Variants in TTLL11 observed in about 807,000 individuals in gnomAD.
TTLL11 encodes tubulin polyglutamylase TTLL11.
Under a neutral mutation model 51.7 loss-of-function variants are expected in TTLL11, and 42 were observed. The ratio of observed to expected loss-of-function variants is 0.81; its 90% CI spans 0.64 to 1.05. The LOEUF (loss-of-function observed/expected upper bound fraction) is 1.05. Ranked by LOEUF, TTLL11 falls within the 50% of genes least tolerant of loss-of-function variation. The pLI, the probability that TTLL11 is intolerant of heterozygous loss-of-function variation, is 0.00. For synonymous variants in TTLL11, 381 were observed against 383.5 expected (o/e 0.99, Z 0.08); for missense variants, 799 against 940.4 (o/e 0.85, Z 1.97).
rs559834846 is a variant in TTLL11 at position 121,844,511 on chromosome 9, C to T, written c.1840+15826G>A. Among the ~76,000 whole-genome samples, 207 of 152,144 alleles carry T rather than the reference C, an allele frequency of 1.4e-3. 2 individuals carry two copies. Among genetic ancestry groups the T allele is most frequent in the Non-Finnish European group, 7.9e-4 (54 of 68,008 alleles). On this transcript the variant is annotated intron_variant, in intron 8 of 8. Coordinates refer to ENST00000321582, the MANE Select transcript of TTLL11 (RefSeq NM_001139442.2). ...CTAAAAGGCAGGAAAATATACAGTG[C>T]AAAGAGACAAAGCAAGCATGAGAAA...
chr9:121,937,358 C>T (rs528413780), intron 6 of TTLL11, among the ~76,000 whole-genome samples: 2 of 152,230 alleles, frequency 1.3e-5, no homozygotes, highest in African/African-American at 4.8e-5. Context: ...TTAACTGGGG[C>T]ATACAAAAAT....
At position 121,989,359 on chromosome 9, in the gene TTLL11, A is replaced by G. The variant is rs892523000; in HGVS notation, c.1105T>C (p.Ser369Pro). The G allele has an allele frequency of 3.1e-6, 5 of 1,614,074 alleles. No individual in the cohort carries two copies. The highest frequency in any genetic ancestry group is 4.2e-6 in the Non-Finnish European group (5 of 1,180,044). Residue 369 changes from serine to proline, a missense_variant, in exon 4 of 9, where the codon TCC (serine) becomes CCC (proline). By Grantham distance (74) the Ser-to-Pro change is moderately conservative. This residue lies in a region of TTLL11 where 468 missense variants were observed against 612.8 expected (regional missense o/e 0.76). Transcript: ENST00000321582. This position sits in a 1 kb window ranked among gnomAD's most constrained non-coding sequence, Gnocchi z 4.2. ...SASTGSKRTF[S>P]SILCRLSSKG... Reference sequence around the variant, plus strand: ...GAAGACAGTCTACAAAGGATGCTGGAAAAAGTCCTTTTGCTGCCAGTGCTA... The same window carrying G: ...GAAGACAGTCTACAAAGGATGCTGGGAAAAGTCCTTTTGCTGCCAGTGCTA...
At chr9:121,869,983 T>A (rs1316034427) in intron 7 of TTLL11, among the ~76,000 whole-genome samples, 2 of 152,252 alleles carry the variant, frequency 1.3e-5, no homozygotes, top group African/African-American at 4.8e-5. Context: ...TGAAAATTCA[T>A]GCAAATTTTG....
chr9:121,825,038 G>A (rs1836706597), intron 8 of TTLL11, among the ~76,000 whole-genome samples: 1 of 152,200 alleles, frequency 6.6e-6, no homozygotes, highest in Non-Finnish European at 1.5e-5. Context: ...CCTGATATGA[G>A]GAGTTGATAA....
At chr9:121,839,158 T>C (rs1837278449) in intron 8 of TTLL11, among the ~76,000 whole-genome samples, 2 of 152,256 alleles carry the variant, frequency 1.3e-5, no homozygotes, top group Admixed American at 1.3e-4. Context: ...TCATTAAAAC[T>C]TATTTCACAG....
intron 8 of TTLL11, among the ~76,000 whole-genome samples, chr9:121,847,184 T>C (rs1588066570): frequency 7.4e-6 from 1 of 135,270 alleles, no homozygotes; most frequent in South Asian, 2.2e-4. Flanking sequence ...CACTCCAGCC[T>C]GGGAGACTGC....
chr9:122,071,658 C>A (rs1208973535), intron 1 of TTLL11, among the ~76,000 whole-genome samples: 1 of 152,168 alleles, frequency 6.6e-6, no homozygotes, highest in Non-Finnish European at 1.5e-5. Context: ...TGACCTGCCA[C>A]CCACAAAGAT....
chr9:121,874,281 G>A (rs1261100620), intron 6 of TTLL11, among the ~76,000 whole-genome samples: 1 of 152,216 alleles, frequency 6.6e-6, no homozygotes, highest in East Asian at 1.9e-4. Context: ...TTATAGGCAT[G>A]AGCCTCTGCA....
chr9:122,016,620 A>G (rs1156748219), intron 3 of TTLL11, among the ~76,000 whole-genome samples: 5 of 152,172 alleles, frequency 3.3e-5, no homozygotes, highest in Non-Finnish European at 5.9e-5. Context: ...GGTTTTTGCA[A>G]ATAATGCACT....
Position 121,995,433 on chromosome 9 carries a change from G to A in TTLL11, c.694-5663C>T, listed in dbSNP as rs909508590. On this transcript the variant is annotated intron_variant, in intron 3 of 8. Transcript: ENST00000321582. This position sits in a 1 kb window ranked among gnomAD's most constrained non-coding sequence, Gnocchi z 4.4. ...GCCTGAGCTGGGGCAGGGACAATGC[G>A]GTTGAAATAGGGAGCTGAGAGAAGA... 1.3e-5 allele frequency among the ~76,000 whole-genome samples: 2 copies of A among 152,126 alleles called. No individual in the cohort carries two copies. The highest frequency in any genetic ancestry group is 2.9e-5 in the Non-Finnish European group (2 of 68,016).
At chr9:121,830,910 G>C (rs1454330328) in intron 8 of TTLL11, among the ~76,000 whole-genome samples, 3 of 152,254 alleles carry the variant, frequency 2.0e-5, no homozygotes, top group Admixed American at 2.0e-4. Context: ...TTGAAACCCA[G>C]TGGTAGGGGC....
chr9:121,974,209 A>C (rs2131658593), intron 5 of TTLL11, 85 bp from the exon 6 acceptor site: 2 of 935,448 alleles, frequency 2.1e-6, no homozygotes, highest in Non-Finnish European at 1.6e-6. Context: ...GGGTTATACT[A>C]GTAAATTTTG....
chr9:121,829,814 CCA>C (rs1554757088), intron 8 of TTLL11, among the ~76,000 whole-genome samples: 28 of 141,834 alleles, frequency 2.0e-4, no homozygotes, highest in Admixed American at 1.4e-3. Flanking sequence ...CACACACACA[CCA>C]CACACACACA....
chr9:121,891,946 C>T (rs1261312323), intron 6 of TTLL11, among the ~76,000 whole-genome samples: 4 of 146,838 alleles, frequency 2.7e-5, no homozygotes, highest in Non-Finnish European at 6.0e-5. Flanking sequence ...AATATATATA[C>T]ACATATATAT....
intron 8 of TTLL11, among the ~76,000 whole-genome samples, chr9:121,832,640 G>C (rs1183708933): frequency 1.3e-5 from 2 of 152,110 alleles, no homozygotes; most frequent in Non-Finnish European, 2.9e-5. Flanking sequence ...CTGCTGCTTC[G>C]AGAGTTTTCG....
intron 4 of TTLL11, among the ~76,000 whole-genome samples, chr9:121,982,065 C>T (rs1249973490): frequency 6.6e-6 from 1 of 152,146 alleles, no homozygotes; most frequent in Admixed American, 6.5e-5. Context: ...TAATTCTGCC[C>T]CACAAATTCC....
In TTLL11 at chr9:122,021,432, G is replaced by A. The variant is rs188130201; in HGVS notation, c.693+10291C>T. 3.5e-4 allele frequency among the ~76,000 whole-genome samples: 54 copies of A among 152,278 alleles called. 1 individual carries two copies. The highest frequency in any genetic ancestry group is 1.2e-3 in the African/African-American group (51 of 41,548). ...TAGGTACAGATCAGCATGCACGTGA[G>A]GAAACTACCCAAGGCCAAACTACCT... On this transcript the variant is annotated intron_variant, in intron 3 of 8. Transcript: ENST00000321582.
intron 6 of TTLL11, among the ~76,000 whole-genome samples, chr9:121,912,161 C>T (rs1160698113): frequency 2.0e-5 from 3 of 152,204 alleles, no homozygotes; most frequent in Non-Finnish European, 4.4e-5. Context: ...ACCCAGGGGC[C>T]TGGGCCGCTC....
At chr9:121,893,311 C>T (rs1839330064) in intron 6 of TTLL11, among the ~76,000 whole-genome samples, 1 of 109,266 alleles carries the variant, frequency 9.2e-6, no homozygotes, top group Non-Finnish European at 2.0e-5. Context: ...TCCAGAATTT[C>T]TTCTCTGTCT....
Sources: allele counts gnomAD v4.1 joint callset (sites outside exome capture counted in the v4.1 genomes callset), GRCh38; gene constraint gnomAD v4.1.1; regional missense constraint gnomAD v4.1.1; non-coding constraint Gnocchi (gnomAD v3.1); transcripts MANE v1.5; gene names NCBI Gene and HGNC (gene_info 2026-07-23, HGNC 2026-07-21).